NUDT5: variants seen among roughly 807,000 people sequenced by gnomAD.
NUDT5 encodes ADP-sugar pyrophosphatase.
NUDT5 carries 21 observed loss-of-function variants against 34.1 expected under a neutral mutation model. That is an observed-to-expected ratio of 0.62 (90% CI 0.44 to 0.89). NUDT5 has a LOEUF of 0.89. Among genes scored for constraint, NUDT5 ranks in the 40% least tolerant of loss-of-function variants. NUDT5 has a pLI of 0.00. For synonymous variants in NUDT5, 85 were observed against 97.6 expected, an observed-to-expected ratio of 0.87 and a Z score of 0.76; for missense variants, 249 against 274.8, an observed-to-expected ratio of 0.91 and a Z score of 0.66.
chr10:12,171,645 AGT>A lies in NUDT5; in HGVS notation c.488-739_488-738del, dbSNP rs1411519226. On this transcript the variant is annotated intron_variant, in intron 7 of 9. Coordinates refer to ENST00000491614, the MANE Select transcript of NUDT5 (RefSeq NM_014142.4). This position sits in a 1 kb window ranked among gnomAD's most constrained non-coding sequence, Gnocchi z 4.2. ...CTGAGGAACTGCCAAACTTTTCCAC[AGT>A]GTCTCATATGTATATGTGCAGTTCA... is the stretch of plus-strand genomic sequence containing the variant. Among the ~76,000 whole-genome samples, 5 of 151,872 alleles carry A rather than the reference AGT, an allele frequency of 3.3e-5. No homozygotes were observed. Among genetic ancestry groups the A allele is most frequent in the Non-Finnish European group, 7.4e-5 (5 of 67,966 alleles).
intron 1 of NUDT5, among the ~76,000 whole-genome samples, chr10:12,195,506 G>C (rs1301268239): frequency 6.6e-6 from 1 of 152,184 alleles, no homozygotes; most frequent in Non-Finnish European, 1.5e-5. Context: ...CTCCTCTGCA[G>C]ATGCTGCAAT....
chr10:12,180,728 CCT>C (rs1175225558), intron 3 of NUDT5, among the ~76,000 whole-genome samples: 1 of 152,226 alleles, frequency 6.6e-6, no homozygotes, highest in Non-Finnish European at 1.5e-5. Context: ...CTCCAGCCTC[CCT>C]GAGGCTCTTC....
At chr10:12,176,904 C>T (rs1834958747) in intron 5 of NUDT5, among the ~76,000 whole-genome samples, 1 of 151,700 alleles carries the variant, frequency 6.6e-6, no homozygotes, top group African/African-American at 2.4e-5. Context: ...GGTGGATCAC[C>T]TGAGGTCAGG....
intron 5 of NUDT5, among the ~76,000 whole-genome samples, chr10:12,174,106 T>C (rs1834908030): frequency 6.6e-6 from 1 of 152,048 alleles, no homozygotes; most frequent in Non-Finnish European, 1.5e-5. Context: ...GATCTCATGA[T>C]CCACCCACGT....
chr10:12,186,639 G>GT (rs1364509457), intron 1 of NUDT5, among the ~76,000 whole-genome samples: 54 of 127,718 alleles, frequency 4.2e-4, no homozygotes, highest in African/African-American at 8.4e-4. Context: ...TTTCTTTTTT[G>GT]TTTTTTTTGA....
At position 12,176,527 on chromosome 10, in the gene NUDT5, C is replaced by G. The variant is rs185936672; in HGVS notation, c.289+1266G>C. ...GCTGAGGCAGGAGAATCACTTGAAC[C>G]CGGGAGGTGGAGGCTGCAGTGAGCT... On this transcript the variant is annotated intron_variant, in intron 5 of 9. Coordinates refer to ENST00000491614, the MANE Select transcript of NUDT5 (RefSeq NM_014142.4). Among the ~76,000 whole-genome samples the G allele has an allele frequency of 3.0e-4, 45 of 151,992 alleles. No individual in the cohort carries two copies. In the East Asian group the frequency reaches 8.0e-3, roughly 27 times the overall value.
intron 1 of NUDT5, among the ~76,000 whole-genome samples, chr10:12,189,305 C>G (rs1835183325): frequency 6.6e-6 from 1 of 152,116 alleles, no homozygotes; most frequent in Admixed American, 6.5e-5. Flanking sequence ...GGGGTTTTGC[C>G]ATGTTGGGCA....
chr10:12,182,721 G>A lies in NUDT5; in HGVS notation c.131+2168C>T, dbSNP rs561752422. Among the ~76,000 whole-genome samples, 6 of 152,154 alleles carry A rather than the reference G, an allele frequency of 3.9e-5. No homozygotes were observed. In the East Asian group the frequency reaches 5.8e-4, roughly 15 times the overall value. The stretch of plus-strand genomic sequence containing the variant: ...CAGTCAGGCGAAGAGATGAGCTGGC[G>A]CGAACACATCTTTTTATTTTATTTT... On this transcript the variant is annotated intron_variant, in intron 3 of 9. Coordinates refer to ENST00000491614, the MANE Select transcript of NUDT5 (RefSeq NM_014142.4). The surrounding 1 kb of genome is among the most constrained non-coding windows in gnomAD (Gnocchi z 4.3).
rs912382240 is a variant in NUDT5, at chr10:12,187,607, T to C, written c.-41-1275A>G. ...GTCTATGAAACTGTAAGGCATTGCTTAGTTGTCTTACTTCTGGTGCTGCTG... is the reference window on the plus strand; with the variant it reads ...GTCTATGAAACTGTAAGGCATTGCTCAGTTGTCTTACTTCTGGTGCTGCTG... On this transcript the variant is annotated intron_variant, in intron 1 of 9. Coordinates refer to ENST00000491614, the MANE Select transcript of NUDT5 (RefSeq NM_014142.4). The surrounding 1 kb of genome is among the most constrained non-coding windows in gnomAD (Gnocchi z 5.4). 6.6e-6 allele frequency among the ~76,000 whole-genome samples: 1 copy of C among 152,232 alleles called. No homozygotes were observed. The highest frequency in any genetic ancestry group is 1.5e-5 in the Non-Finnish European group (1 of 68,036).
chr10:12,178,011 A>G (rs1464803277), intron 4 of NUDT5, 111 bp from the exon 5 acceptor site: 2 of 672,506 alleles, frequency 3.0e-6, no homozygotes, highest in East Asian at 5.5e-5. Flanking sequence ...CTCCGTTTTA[A>G]TCTACAATAC....
In NUDT5 at chr10:12,172,695, C is replaced by A; in HGVS notation, c.487+70G>T. The A allele has an allele frequency of 3.0e-6, 3 of 1,011,144 alleles. No homozygotes were observed. The South Asian group carries it at 4.0e-5, about 13-fold the overall frequency. 62.6% of individuals were successfully genotyped at this position (1,011,144 alleles called of 1,614,324 possible). On this transcript the variant is annotated intron_variant, in intron 7 of 9. Transcript: ENST00000491614. ...GAAAGACTACATTCTTTTAATAAAT[C>A]AAACTAGCAGCAAGTTCCAAGACAC...
Position 12,170,660 on chromosome 10 carries a change from C to T in NUDT5, c.550+57G>A. On this transcript the variant is annotated intron_variant, in intron 9 of 9. Coordinates refer to ENST00000491614, the MANE Select transcript of NUDT5 (RefSeq NM_014142.4). This position sits in a 1 kb window ranked among gnomAD's most constrained non-coding sequence, Gnocchi z 4.9. ...GGAGTTATATTTAGTACCCAGTTTG[C>T]TGGGATGGGGACGGGGAGAACTGGA... The T allele has an allele frequency of 6.6e-7, 1 of 1,508,126 alleles. No homozygotes were observed. Among genetic ancestry groups the T allele is most frequent in the Non-Finnish European group, 9.2e-7 (1 of 1,085,234 alleles). 93.4% of individuals were successfully genotyped at this position (1,508,126 alleles called of 1,614,324 possible).
At position 12,177,392 on chromosome 10, in the gene NUDT5, G is replaced by A. The variant is rs539235472; in HGVS notation, c.289+401C>T. On this transcript the variant is annotated intron_variant, in intron 5 of 9. Transcript: ENST00000491614. ...AAATTAGCCGGGCGTGGTGGCGGGC[G>A]CCTGTAGTCCCAGCCACTCGGGAGG... Among the ~76,000 whole-genome samples, 444 of 151,800 alleles carry A rather than the reference G, an allele frequency of 2.9e-3. 1 individual carries two copies. Among genetic ancestry groups the A allele is most frequent in the South Asian group, 6.3e-3 (30 of 4,784 alleles).
chr10:12,172,689 A>C, intron 7 of NUDT5, 76 bp downstream of exon 7: 1 of 944,580 alleles, frequency 1.1e-6, no homozygotes, highest in Non-Finnish European at 1.7e-6. Flanking sequence ...CATTCTTTTA[A>C]TAAATCAAAC....
At chr10:12,172,363 T>C (rs1391397466) in intron 7 of NUDT5, 1 of 199,248 alleles carries the variant, frequency 5.0e-6, no homozygotes, top group Non-Finnish European at 1.0e-5. Flanking sequence ...TGGGCTTAAG[T>C]GATCCTCCTG....
Position 12,166,660 on chromosome 10 carries a change from C to G in NUDT5, c.*1042G>C, listed in dbSNP as rs1181321010. On this transcript the variant is annotated 3_prime_UTR_variant, in exon 10 of 10. Coordinates refer to ENST00000491614, the MANE Select transcript of NUDT5 (RefSeq NM_014142.4). ...CGCTGGAGCCAGGCTAGAAACATGACTTAGGGCTGGATGAGAATCATCCTG... is the reference window on the plus strand; with the variant it reads ...CGCTGGAGCCAGGCTAGAAACATGAGTTAGGGCTGGATGAGAATCATCCTG... 4.2e-6 allele frequency: 2 copies of G among 480,864 alleles called. No homozygotes were observed. The highest frequency in any genetic ancestry group is 4.0e-5 in the African/African-American group (2 of 50,372). 29.8% of individuals were successfully genotyped at this position (480,864 alleles called of 1,614,324 possible). A position where few individuals can be genotyped will look rare whatever the true frequency, so the allele number is the denominator to read the frequency against.
chr10:12,172,913 GT>G (rs1343225662), intron 6 of NUDT5, 47 bp from the exon 7 acceptor site: 1 of 1,361,342 alleles, frequency 7.3e-7, no homozygotes, highest in East Asian at 2.3e-5. Context: ...TTTGGCATTT[GT>G]TTCACTATGG....
chr10:12,185,317 G>A (rs1314064124), intron 2 of NUDT5, among the ~76,000 whole-genome samples: 2 of 152,144 alleles, frequency 1.3e-5, no homozygotes, highest in Admixed American at 1.3e-4. Context: ...CCCTGACCTG[G>A]GTGCATACAA....
In NUDT5 at chr10:12,173,758, T is replaced by C. The variant is rs1027570767; in HGVS notation, c.345A>G (p.Glu115=). The change falls in exon 6 of 10, where the codon GAA becomes GAG. Residue 115 remains glutamate (E), a synonymous_variant. Coordinates refer to ENST00000491614, the MANE Select transcript of NUDT5 (RefSeq NM_014142.4). This position sits in a 1 kb window ranked among gnomAD's most constrained non-coding sequence, Gnocchi z 4.7. ...PEAAALRELE[E]ETGYKGDIAE... ...CAATGTCCCCTTTGTAGCCAGTTTC[T>C]TCTTCAAGCTCCCGGAGAGCAGCTG... 84 of 1,614,040 alleles carry C rather than the reference T, an allele frequency of 5.2e-5. No individual in the cohort carries two copies. The highest frequency in any genetic ancestry group is 6.9e-5 in the Non-Finnish European group (81 of 1,179,976).
Sources: allele counts gnomAD v4.1 joint callset (sites outside exome capture counted in the v4.1 genomes callset), GRCh38; gene constraint gnomAD v4.1.1; non-coding constraint Gnocchi (gnomAD v3.1); transcripts MANE v1.5; gene names NCBI Gene and HGNC (gene_info 2026-07-23, HGNC 2026-07-21).